The following FKBP5 variants were observed in gnomAD, a reference collection of about 807,000 sequenced individuals.
FKBP5 encodes peptidyl-prolyl cis-trans isomerase FKBP5.
A neutral mutation model predicts 50.5 loss-of-function variants in FKBP5; 23 were observed. That is an observed-to-expected ratio of 0.46 (90% CI 0.33 to 0.65). The LOEUF (loss-of-function observed/expected upper bound fraction) is 0.65. Ranked by LOEUF, FKBP5 falls within the 30% of genes least tolerant of loss-of-function variation. The pLI is 0.02. For synonymous variants in FKBP5, 176 were observed against 190.6 expected, an observed-to-expected ratio of 0.92 and a Z score of 0.63; for missense variants, 411 against 553.1, an observed-to-expected ratio of 0.74 and a Z score of 2.58.
chr6:35,712,343 C>T (rs1766430684), intron 2 of FKBP5, among the ~76,000 whole-genome samples: 1 of 152,036 alleles, frequency 6.6e-6, no homozygotes, highest in Non-Finnish European at 1.5e-5. Flanking sequence ...TTGTTTGTTT[C>T]CATTTTACAG....
At chr6:35,585,019 T>C in intron 8 of FKBP5, 1 of 985,444 alleles carries the variant, frequency 1.0e-6, no homozygotes. Context: ...GATGGCTTCA[T>C]AACATTATTT....
chr6:35,713,077 TAAAAAA>T (rs34258638), intron 2 of FKBP5, among the ~76,000 whole-genome samples: 2 of 52,948 alleles, frequency 3.8e-5, no homozygotes, highest in Non-Finnish European at 6.3e-5. Context: ...ATCTGGTCTC[TAAAAAA>T]AAAAAAAAAA....
chr6:35,616,459 T>A (rs1359153232), intron 5 of FKBP5, among the ~76,000 whole-genome samples: 3 of 152,074 alleles, frequency 2.0e-5, no homozygotes, highest in Non-Finnish European at 4.4e-5. Flanking sequence ...AATGTTAACT[T>A]CCTGATTTTG....
At chr6:35,594,545 A>C (rs1762918490) in intron 6 of FKBP5, among the ~76,000 whole-genome samples, 1 of 152,190 alleles carries the variant, frequency 6.6e-6, no homozygotes, top group African/African-American at 2.4e-5. Context: ...AAGCTGAATA[A>C]AACAAGTAAA....
intron 8 of FKBP5, chr6:35,583,515 G>A (rs889853822): frequency 1.7e-5 from 17 of 985,262 alleles, no homozygotes; most frequent in African/African-American, 1.0e-4. Flanking sequence ...TCCAATTAGC[G>A]AAAAGTCTGT....
At chr6:35,593,414 A>T (rs187214961) in intron 6 of FKBP5, among the ~76,000 whole-genome samples, 23 of 152,330 alleles carry the variant, frequency 1.5e-4, no homozygotes, top group Non-Finnish European at 5.9e-5. Flanking sequence ...GCAGATAAAG[A>T]CACAGAGTGC....
intron 1 of FKBP5, among the ~76,000 whole-genome samples, chr6:35,667,649 G>A (rs1765268854): frequency 6.6e-6 from 1 of 152,220 alleles, no homozygotes; most frequent in Non-Finnish European, 1.5e-5. Flanking sequence ...GGGAGGCCGA[G>A]GCAGGTGGAT....
At chr6:35,578,997 T>G (rs536927812) in intron 9 of FKBP5, among the ~76,000 whole-genome samples, 5 of 152,152 alleles carry the variant, frequency 3.3e-5, no homozygotes, top group South Asian at 4.2e-4. Context: ...GCACTTGTAG[T>G]CCCAGCTACT....
At chr6:35,652,616 T>C (rs963793994) in intron 1 of FKBP5, among the ~76,000 whole-genome samples, 11 of 152,318 alleles carry the variant, frequency 7.2e-5, no homozygotes, top group African/African-American at 2.4e-4. Context: ...GTCAGACTAG[T>C]TGATCTCAAA....
chr6:35,724,087 G>T (rs900013576), intron 1 of FKBP5, among the ~76,000 whole-genome samples: 5 of 152,244 alleles, frequency 3.3e-5, no homozygotes, highest in Non-Finnish European at 7.3e-5. Flanking sequence ...TGATATAAGT[G>T]CCAGGGATTG....
At chr6:35,711,187 C>T (rs1333432348) in intron 2 of FKBP5, among the ~76,000 whole-genome samples, 1 of 151,922 alleles carries the variant, frequency 6.6e-6, no homozygotes, top group Admixed American at 6.6e-5. Context: ...AGTGGTGGCT[C>T]GCACCTGTAG....
In FKBP5 at chr6:35,641,601, G is replaced by A. The variant is rs1051598486; in HGVS notation, c.105+1119C>T. Among the ~76,000 whole-genome samples the A allele has an allele frequency of 2.6e-5, 4 of 152,334 alleles. No homozygotes were observed. The East Asian group carries it at 7.7e-4, about 29-fold the overall frequency. On this transcript the variant is annotated intron_variant, in intron 2 of 10. Transcript: ENST00000357266. ...AAATGTCATTATATGGTGAATGACT[G>A]TATAGTGCTTTAATAAGTAGGAAAG...
chr6:35,662,337 C>T (rs1765091175), intron 1 of FKBP5, among the ~76,000 whole-genome samples: 1 of 151,024 alleles, frequency 6.6e-6, no homozygotes, highest in Non-Finnish European at 1.5e-5. Context: ...TACAGTGGCA[C>T]AGTCATGGCT....
chr6:35,644,701 G>GA (rs1764582802), intron 1 of FKBP5, among the ~76,000 whole-genome samples: 1 of 152,158 alleles, frequency 6.6e-6, no homozygotes, highest in South Asian at 2.1e-4. Flanking sequence ...AGATAATCAG[G>GA]AAAATCAGAA....
chr6:35,707,584 CA>C, intron 2 of FKBP5, among the ~76,000 whole-genome samples: 1 of 151,964 alleles, frequency 6.6e-6, no homozygotes, highest in South Asian at 2.1e-4. Flanking sequence ...GGTACATGTG[CA>C]GGTTTGTAAT....
intron 7 of FKBP5, 27 bp from the exon 8 acceptor site, chr6:35,587,144 A>T: frequency 6.2e-7 from 1 of 1,600,470 alleles, no homozygotes; most frequent in South Asian, 1.1e-5. Flanking sequence ...GACAATGGTT[A>T]GATGAACAGA....
chr6:35,582,978 T>A, intron 8 of FKBP5: 1 of 836,908 alleles, frequency 1.2e-6, no homozygotes, highest in Non-Finnish European at 1.4e-6. Context: ...TCCCAGCACT[T>A]TGGGAAGCTG....
At chr6:35,611,475 G>A (rs1442093586) in intron 5 of FKBP5, among the ~76,000 whole-genome samples, 1 of 152,156 alleles carries the variant, frequency 6.6e-6, no homozygotes, top group Non-Finnish European at 1.5e-5. Context: ...CACTAAAGTT[G>A]ACAAATCAGA....
At chr6:35,709,749 T>C (rs916485236) in intron 2 of FKBP5, among the ~76,000 whole-genome samples, 2 of 152,220 alleles carry the variant, frequency 1.3e-5, no homozygotes, top group African/African-American at 4.8e-5. Flanking sequence ...ATTTCTGATT[T>C]GATGTCATGC....
Sources: gnomAD v4.1 joint callset for allele counts (sites outside exome capture counted in the v4.1 genomes callset) on GRCh38, gnomAD v4.1.1 for gene constraint, MANE v1.5 for transcripts, NCBI Gene and HGNC (gene_info 2026-07-23, HGNC 2026-07-21) for gene names.